Variants in DTNA observed in about 807,000 individuals in gnomAD.
DTNA encodes dystrophin-related protein 3.
In DTNA, 43 loss-of-function variants were observed where a neutral mutation model predicts 100.7. The ratio of observed to expected loss-of-function variants is 0.43; its 90% CI spans 0.33 to 0.55. DTNA has a LOEUF of 0.55. Ranked by LOEUF, DTNA falls within the 20% of genes least tolerant of loss-of-function variation. The pLI is 0.04. For missense variants in DTNA, 798 were observed against 953.9 expected (o/e 0.84, Z 2.15); for synonymous variants, 349 against 347.9 (o/e 1.00, Z -0.04).
intron 1 of DTNA, among the ~76,000 whole-genome samples, chr18:34,500,734 G>A (rs909637410): frequency 6.6e-6 from 1 of 151,938 alleles, no homozygotes; most frequent in Non-Finnish European, 1.5e-5. Context: ...AAACTGCTGG[G>A]ATTACAGGCA....
At chr18:34,878,692 A>G (rs2096842676) in intron 19 of DTNA, among the ~76,000 whole-genome samples, 1 of 152,246 alleles carries the variant, frequency 6.6e-6, no homozygotes, top group Non-Finnish European at 1.5e-5. Context: ...CTGCCCAGAA[A>G]TAAATAGCAT....
intron 13 of DTNA, among the ~76,000 whole-genome samples, chr18:34,840,647 A>G (rs1429275579): frequency 2.0e-5 from 3 of 152,162 alleles, no homozygotes; most frequent in East Asian, 1.9e-4. Context: ...ACTTAAGACC[A>G]TAAATCTGTC....
chr18:34,783,866 T>G (rs1040170653), intron 3 of DTNA, among the ~76,000 whole-genome samples: 4 of 152,164 alleles, frequency 2.6e-5, no homozygotes, highest in African/African-American at 9.7e-5. Flanking sequence ...AAAAATAAAT[T>G]ATTTATTTTA....
intron 4 of DTNA, among the ~76,000 whole-genome samples, chr18:34,802,489 G>A (rs1340009655): frequency 6.6e-6 from 1 of 152,170 alleles, no homozygotes; most frequent in Non-Finnish European, 1.5e-5. Flanking sequence ...GATGAGCATA[G>A]CTCCTAAATT....
At chr18:34,759,719 T>C (rs558442279) in intron 2 of DTNA, among the ~76,000 whole-genome samples, 1 of 152,328 alleles carries the variant, frequency 6.6e-6, no homozygotes, top group East Asian at 1.9e-4. Context: ...TTTCACTCTG[T>C]CGCCCAGGCT....
chr18:34,579,462 C>T (rs1174433978), intron 1 of DTNA, among the ~76,000 whole-genome samples: 1 of 152,180 alleles, frequency 6.6e-6, no homozygotes, highest in African/African-American at 2.4e-5. Context: ...CTTTCCTTGT[C>T]TCTTATAGTA....
chr18:34,674,703 TC>T (rs146361915), intron 1 of DTNA, among the ~76,000 whole-genome samples: 28 of 152,328 alleles, frequency 1.8e-4, no homozygotes, highest in African/African-American at 6.7e-4. Context: ...TGCTAACTGT[TC>T]CACTATCAAT....
chr18:34,811,927 A>T, intron 5 of DTNA, 32 bp from the exon 6 acceptor site: 1 of 1,613,312 alleles, frequency 6.2e-7, no homozygotes, highest in East Asian at 2.2e-5. Flanking sequence ...TGTTCATGTG[A>T]TGAATAATAT....
intron 1 of DTNA, among the ~76,000 whole-genome samples, chr18:34,638,269 T>C (rs1046500250): frequency 1.3e-5 from 2 of 152,266 alleles, no homozygotes; most frequent in Admixed American, 6.5e-5. Context: ...TAATATTTAC[T>C]GAGTGCTCAC....
intron 1 of DTNA, among the ~76,000 whole-genome samples, chr18:34,553,887 T>C (rs1368522742): frequency 6.6e-6 from 1 of 151,970 alleles, no homozygotes; most frequent in Non-Finnish European, 1.5e-5. Context: ...ATATGAACTT[T>C]AAAGTAGTTT....
intron 4 of DTNA, among the ~76,000 whole-genome samples, chr18:34,804,290 G>C (rs2095304063): frequency 6.6e-6 from 1 of 152,182 alleles, no homozygotes; most frequent in South Asian, 2.1e-4. Context: ...AGACGAGACT[G>C]CTGGGTGTGC....
At chr18:34,652,414 C>T (rs1357196493) in intron 1 of DTNA, among the ~76,000 whole-genome samples, 1 of 152,128 alleles carries the variant, frequency 6.6e-6, no homozygotes, top group Admixed American at 6.5e-5. Context: ...CATTACTTTC[C>T]TCACATACCC....
At chr18:34,816,988 G>A (rs1026075652) in intron 7 of DTNA, among the ~76,000 whole-genome samples, 2 of 152,132 alleles carry the variant, frequency 1.3e-5, no homozygotes, top group African/African-American at 4.8e-5. Flanking sequence ...ATGCAGAAGC[G>A]AAGAGCAATC....
At chr18:34,845,084 TG>T (rs1425238741) in intron 13 of DTNA, among the ~76,000 whole-genome samples, 1 of 152,188 alleles carries the variant, frequency 6.6e-6, no homozygotes, top group Non-Finnish European at 1.5e-5. Context: ...GTGTTGGAAT[TG>T]GTATTTATTT....
chr18:34,794,960 G>C (rs890998083), intron 4 of DTNA, among the ~76,000 whole-genome samples: 4 of 152,152 alleles, frequency 2.6e-5, no homozygotes, highest in African/African-American at 9.7e-5. Context: ...GGCCGAGTGG[G>C]GACTTAGGTG....
intron 1 of DTNA, among the ~76,000 whole-genome samples, chr18:34,530,420 A>T (rs963698172): frequency 6.6e-6 from 1 of 152,042 alleles, no homozygotes; most frequent in African/African-American, 2.4e-5. Flanking sequence ...TTCTGAAATC[A>T]TGAGCTTATG....
chr18:34,805,785 C>CAA (rs34255919), intron 4 of DTNA, among the ~76,000 whole-genome samples: 201 of 129,242 alleles, frequency 1.6e-3, no homozygotes, highest in African/African-American at 4.4e-3. Flanking sequence ...AATTCTCTGA[C>CAA]AAAAAAAAAA....
chr18:34,728,826 C>T (rs35163329), intron 1 of DTNA, among the ~76,000 whole-genome samples: 7,759 of 152,266 alleles, frequency 0.051, 309 homozygotes, highest in Non-Finnish European at 0.08. Flanking sequence ...CCCCAAATCA[C>T]ACCCCACCAG....
intron 1 of DTNA, among the ~76,000 whole-genome samples, chr18:34,575,757 T>C (rs1301154355): frequency 2.6e-5 from 4 of 152,188 alleles, no homozygotes; most frequent in African/African-American, 9.6e-5. Flanking sequence ...AATGACTGTA[T>C]TATAGCCTTT....
Sources: allele counts gnomAD v4.1 joint callset (sites outside exome capture counted in the v4.1 genomes callset), GRCh38; gene constraint gnomAD v4.1.1; transcripts MANE v1.5; gene names NCBI Gene and HGNC (gene_info 2026-07-23, HGNC 2026-07-21).